Variants in ADARB2 observed in about 807,000 individuals in gnomAD.
ADARB2 encodes inactive double-stranded RNA-specific editase B2.
In ADARB2, 25 loss-of-function variants were observed where a neutral mutation model predicts 62.2. The observed-to-expected ratio is 0.40, with a 90% CI of 0.29 to 0.56. ADARB2 has a LOEUF of 0.56. Ranked by LOEUF, ADARB2 falls within the 20% of genes least tolerant of loss-of-function variation. The pLI, the probability that ADARB2 is intolerant of heterozygous loss-of-function variation, is 0.43. For missense variants in ADARB2, 1,071 were observed against 1,077.4 expected (o/e 0.99, Z 0.08); for synonymous variants, 572 against 500.8 (o/e 1.14, Z -1.90).
chr10:1,430,027 T>C (rs1231721438), intron 1 of ADARB2, among the ~76,000 whole-genome samples: 2 of 152,150 alleles, frequency 1.3e-5, no homozygotes, highest in African/African-American at 4.8e-5. Flanking sequence ...TGAGTAAAAA[T>C]CGTGCTAAGT....
chr10:1,520,742 A>G (rs1272236088), intron 1 of ADARB2, among the ~76,000 whole-genome samples: 2 of 152,208 alleles, frequency 1.3e-5, no homozygotes, highest in Non-Finnish European at 2.9e-5. Flanking sequence ...ATCACCTCCT[A>G]TGATAAGAAA....
At chr10:1,491,924 A>C (rs4880512) in intron 1 of ADARB2, among the ~76,000 whole-genome samples, 55,102 of 152,168 alleles carry the variant, frequency 0.36, 10,421 homozygotes, top group Non-Finnish European at 0.42. Context: ...GAGATAAGAC[A>C]GCAGAAAGCT....
chr10:1,551,722 C>T (rs1832625561), intron 1 of ADARB2, among the ~76,000 whole-genome samples: 1 of 152,242 alleles, frequency 6.6e-6, no homozygotes, highest in Non-Finnish European at 1.5e-5. Context: ...TCCAAAATCC[C>T]CTTCCTGCCC....
chr10:1,691,637 C>T (rs1467853482), intron 1 of ADARB2, among the ~76,000 whole-genome samples: 2 of 152,184 alleles, frequency 1.3e-5, no homozygotes, highest in Non-Finnish European at 2.9e-5. Flanking sequence ...ACCAACTTCA[C>T]GTACTTTTCC....
chr10:1,423,874 ATGTATGCAGTAGG>A (rs911424415), intron 1 of ADARB2, among the ~76,000 whole-genome samples: 5 of 134,984 alleles, frequency 3.7e-5, no homozygotes, highest in African/African-American at 1.4e-4. Flanking sequence ...TAAGACCACT[ATGTATGCAGTAGG>A]TCCACTATGT....
intron 1 of ADARB2, among the ~76,000 whole-genome samples, chr10:1,606,319 C>CG (rs537869047): frequency 8.2e-4 from 125 of 151,714 alleles, no homozygotes; most frequent in African/African-American, 2.6e-3. Context: ...GAAACCTGAG[C>CG]GGGGGGGAGC....
At chr10:1,732,479 A>G (rs1404361548) in intron 1 of ADARB2, among the ~76,000 whole-genome samples, 1 of 152,190 alleles carries the variant, frequency 6.6e-6, no homozygotes, top group African/African-American at 2.4e-5. Flanking sequence ...CCTTGAAGCA[A>G]TCTCCAATTA....
intron 1 of ADARB2, among the ~76,000 whole-genome samples, chr10:1,635,648 A>G (rs1833909911): frequency 2.0e-5 from 3 of 152,128 alleles, no homozygotes; most frequent in Admixed American, 2.0e-4. Context: ...CACTGTCTTC[A>G]TCTCCCTTCC....
chr10:1,725,448 A>C (rs1278658324), intron 1 of ADARB2, among the ~76,000 whole-genome samples: 1 of 152,230 alleles, frequency 6.6e-6, no homozygotes, highest in African/African-American at 2.4e-5. Context: ...AGTCACATGA[A>C]AAACACTCGC....
At chr10:1,547,895 G>C (rs1832550117) in intron 1 of ADARB2, among the ~76,000 whole-genome samples, 1 of 152,230 alleles carries the variant, frequency 6.6e-6, no homozygotes, top group Admixed American at 6.5e-5. Flanking sequence ...ACTCAGGGCA[G>C]GGCTGTTGGG....
intron 1 of ADARB2, among the ~76,000 whole-genome samples, chr10:1,523,821 C>A (rs1043804480): frequency 6.6e-6 from 1 of 152,114 alleles, no homozygotes; most frequent in Admixed American, 6.5e-5. Context: ...ATCTGTCATC[C>A]TTTTAATCTC....
At chr10:1,609,872 G>A (rs146075198) in intron 1 of ADARB2, among the ~76,000 whole-genome samples, 5 of 152,320 alleles carry the variant, frequency 3.3e-5, no homozygotes, top group East Asian at 3.9e-4. Context: ...CTCCAGCATC[G>A]GAGGGCAGGT....
chr10:1,433,146 G>C (rs1423249793), intron 1 of ADARB2, among the ~76,000 whole-genome samples: 1 of 152,238 alleles, frequency 6.6e-6, no homozygotes, highest in Non-Finnish European at 1.5e-5. Context: ...GAAGTGAAGA[G>C]AGTAGGAAGA....
chr10:1,669,777 C>A lies in ADARB2; in HGVS notation c.100+67274G>T, dbSNP rs148873143. Among the ~76,000 whole-genome samples, 1,094 of 151,884 alleles carry A rather than the reference C, an allele frequency of 7.2e-3. 6 individuals carry two copies. Among genetic ancestry groups the A allele is most frequent in the Middle Eastern group, 0.027 (8 of 292 alleles). The stretch of plus-strand genomic sequence containing the variant: ...ACACTCATAGAGAAAAACACACAGA[C>A]ACAAACACACAGACACAGTCACAGA... On this transcript the variant is annotated intron_variant, in intron 1 of 9. Transcript: ENST00000381312.
At chr10:1,220,614 T>C (rs1288059975) in intron 6 of ADARB2, among the ~76,000 whole-genome samples, 5 of 152,172 alleles carry the variant, frequency 3.3e-5, no homozygotes, top group African/African-American at 1.2e-4. Flanking sequence ...GGGACTTTAC[T>C]CTTTCATTTG....
At chr10:1,615,193 G>T (rs1833616703) in intron 1 of ADARB2, among the ~76,000 whole-genome samples, 1 of 152,242 alleles carries the variant, frequency 6.6e-6, no homozygotes, top group Non-Finnish European at 1.5e-5. Context: ...AGAATGGTCA[G>T]CAGGTGCACT....
intron 1 of ADARB2, among the ~76,000 whole-genome samples, chr10:1,530,419 G>C (rs952994435): frequency 2.6e-5 from 4 of 152,112 alleles, no homozygotes; most frequent in South Asian, 2.1e-4. Flanking sequence ...CAGTCACTTC[G>C]TCCTCCTTTC....
At chr10:1,665,215 C>T (rs1338726914) in intron 1 of ADARB2, among the ~76,000 whole-genome samples, 2 of 152,218 alleles carry the variant, frequency 1.3e-5, no homozygotes, top group African/African-American at 2.4e-5. Context: ...CCCCTGGCTC[C>T]CTGGCTTATT....
At chr10:1,454,716 G>T (rs1223107680) in intron 1 of ADARB2, among the ~76,000 whole-genome samples, 1 of 152,070 alleles carries the variant, frequency 6.6e-6, no homozygotes, top group Non-Finnish European at 1.5e-5. Context: ...TTTCAGTTCT[G>T]GAAGATGAAA....
Sources: allele counts gnomAD v4.1 joint callset (sites outside exome capture counted in the v4.1 genomes callset), GRCh38; gene constraint gnomAD v4.1.1; transcripts MANE v1.5; gene names NCBI Gene and HGNC (gene_info 2026-07-23, HGNC 2026-07-21).